Variants in DAGLB observed in about 807,000 individuals in gnomAD.
The protein encoded by DAGLB is diacylglycerol lipase beta, also known as diacylglycerol lipase-beta.
In DAGLB, 66 loss-of-function variants were observed where a neutral mutation model predicts 72.1. The observed-to-expected ratio is 0.92, with a 90% CI of 0.75 to 1.12. The LOEUF is 1.12. Ranked by LOEUF, DAGLB falls within the 50% of genes most tolerant of loss-of-function variation. The pLI, the probability that DAGLB is intolerant of heterozygous loss-of-function variation, is 0.00. For missense variants in DAGLB, 1,065 were observed against 884.9 expected, an observed-to-expected ratio of 1.20 and a Z score of -2.58; for synonymous variants, 414 against 359.5, an observed-to-expected ratio of 1.15 and a Z score of -1.71.
intron 8 of DAGLB, 103 bp from the exon 9 acceptor site, chr7:6,421,907 G>T: frequency 7.9e-7 from 1 of 1,263,752 alleles, no homozygotes; most frequent in Non-Finnish European, 1.1e-6. Context: ...GGATGGCGGG[G>T]ATGGCACCAT....
At position 6,410,350 on chromosome 7, in the gene DAGLB, C is replaced by A. The variant is rs368066544; in HGVS notation, c.1600G>T (p.Glu534Ter). Reference protein sequence around the residue: ...YKILLHGLWYELFGGNPNNLP... With the variant: ...YKILLHGLWY ...TTGTTGGGGTTTCCTCCAAACAGTT[C>A]GTACCACAAACCGTGCAGCAAGATC... The change falls in exon 14 of 15, where the codon GAA becomes TAA. Residue 534 changes from glutamate (E) to a stop codon, truncating the protein, a stop_gained. Coordinates refer to ENST00000297056, the MANE Select transcript of DAGLB (RefSeq NM_139179.4). LOFTEE classifies it high-confidence loss of function. 2 of 1,613,444 alleles carry A rather than the reference C, an allele frequency of 1.2e-6. No individual in the cohort carries two copies. The highest frequency in any genetic ancestry group is 1.6e-4 in the Middle Eastern group (1 of 6,074).
chr7:6,434,834 A>G lies in DAGLB; in HGVS notation c.606T>C (p.Cys202=). 1 of 1,614,188 alleles carries G rather than the reference A, an allele frequency of 6.2e-7. No homozygotes were observed. The highest frequency in any genetic ancestry group is 2.2e-5 in the East Asian group (1 of 44,874). ...VWETRIKLLC[C]CIGKDDHTRV... ...GAGTATGGTCGTCTTTCCCAATGCA[A>G]CAGCACAAGAGCTTGATTCTGGTTT... Residue 202 remains cysteine (C), a synonymous_variant, in exon 4 of 15, where the codon TGT becomes TGC. Coordinates refer to ENST00000297056, the MANE Select transcript of DAGLB (RefSeq NM_139179.4).
rs899680461 is a variant in DAGLB, at chr7:6,409,472, G to T, written c.*365C>A. 4.0e-6 allele frequency: 1 copy of T among 247,954 alleles called. No individual in the cohort carries two copies. Among genetic ancestry groups the T allele is most frequent in the Admixed American group, 5.0e-5 (1 of 19,916 alleles). The allele number at this position is 247,954 out of a possible 1,614,324, so 15.4% of individuals were successfully genotyped here. A position where few individuals can be genotyped will look rare whatever the true frequency, so the allele number is the denominator to read the frequency against. On this transcript the variant is annotated 3_prime_UTR_variant, in exon 15 of 15. Coordinates refer to ENST00000297056, the MANE Select transcript of DAGLB (RefSeq NM_139179.4). Reference sequence around the variant, plus strand: ...GAGTTGGATGAAAAGAGCTGCCTTGGGGGTGGGAGGCTAAGGAACTGTTCA... The same window carrying T: ...GAGTTGGATGAAAAGAGCTGCCTTGTGGGTGGGAGGCTAAGGAACTGTTCA...
At chr7:6,431,247 C>T (rs980182597) in intron 5 of DAGLB, among the ~76,000 whole-genome samples, 3 of 152,006 alleles carry the variant, frequency 2.0e-5, no homozygotes, top group Non-Finnish European at 4.4e-5. Context: ...AACTGAGTGG[C>T]TTAACCCGGA....
intron 4 of DAGLB, among the ~76,000 whole-genome samples, chr7:6,433,473 A>G (rs1159085531): frequency 2.0e-5 from 3 of 152,144 alleles, no homozygotes; most frequent in African/African-American, 4.8e-5. Context: ...TAGGCCTGAC[A>G]TGTCCTTTTT....
chr7:6,415,856 A>AAT (rs1401624500), intron 11 of DAGLB, among the ~76,000 whole-genome samples: 1 of 151,758 alleles, frequency 6.6e-6, no homozygotes, highest in African/African-American at 2.4e-5. Context: ...AAAAAAAAAA[A>AAT]AAAAGTAATT....
In DAGLB at chr7:6,409,876, G is replaced by A. The variant is rs1018858160; in HGVS notation, c.1980C>T (p.Ser660=). The A allele has an allele frequency of 6.2e-7, 1 of 1,614,078 alleles. No homozygotes were observed. Among genetic ancestry groups the A allele is most frequent in the East Asian group, 2.2e-5 (1 of 44,880 alleles). Residue 660 remains serine (S), a synonymous_variant, in exon 15 of 15, where the codon TCC becomes TCT. Coordinates refer to ENST00000297056, the MANE Select transcript of DAGLB (RefSeq NM_139179.4). The part of the protein sequence containing the change: ...SVVSDRAACV[S]CPAQGVSSVD... ...CACTGGAGACCCCTTGTGCTGGACA[G>A]GAGACGCAGGCCGCTCTGTCGGAGA...
chr7:6,431,464 T>C (rs1054372553), intron 5 of DAGLB, among the ~76,000 whole-genome samples: 1 of 152,098 alleles, frequency 6.6e-6, no homozygotes, highest in East Asian at 1.9e-4. Flanking sequence ...TCCTAAAACA[T>C]AAGCCTTCAA....
Position 6,410,044 on chromosome 7 carries a change from G to C in DAGLB, c.1821-9C>G. 1 of 1,610,618 alleles carries C rather than the reference G, an allele frequency of 6.2e-7. No individual in the cohort carries two copies. Among genetic ancestry groups the C allele is most frequent in the Non-Finnish European group, 8.5e-7 (1 of 1,177,880 alleles). On this transcript the variant is annotated splice_polypyrimidine_tract_variant and intron_variant, in intron 14 of 14. Coordinates refer to ENST00000297056, the MANE Select transcript of DAGLB (RefSeq NM_139179.4). ...CAGAGCAGCAGCCAAACCTGAAGCA[G>C]AAAAGGAGAGACAGCTCCCACGCGG... is the stretch of plus-strand genomic sequence containing the variant.
Position 6,432,849 on chromosome 7 carries a change from T to G in DAGLB, c.789A>C (p.Pro263=). Residue 263 remains proline, a synonymous_variant, in exon 5 of 15, where the codon CCA becomes CCC. Coordinates refer to ENST00000297056, the MANE Select transcript of DAGLB (RefSeq NM_139179.4). ...AAGCCAGGCTCACCTGGGAGCTCCC[T>G]GGGGCATGGCAGACCACCTGGGCAG... ...QEPAQVVCHA[P]GSSQEADLDA... The G allele has an allele frequency of 6.2e-7, 1 of 1,613,636 alleles. No individual in the cohort carries two copies. The highest frequency in any genetic ancestry group is 1.7e-5 in the Admixed American group (1 of 59,976).
Position 6,426,051 on chromosome 7 carries a change from G to A in DAGLB, c.993C>T (p.Gly331=). The A allele has an allele frequency of 5.0e-6, 8 of 1,614,128 alleles. No individual in the cohort carries two copies. Among genetic ancestry groups the A allele is most frequent in the African/African-American group, 1.3e-5 (1 of 75,074 alleles). Residue 331 remains glycine (G), a synonymous_variant, in exon 7 of 15, where the codon GGC becomes GGT. Coordinates refer to ENST00000297056, the MANE Select transcript of DAGLB (RefSeq NM_139179.4). ...GCAGCCCTGTGGTGTGCAGGATGGA[G>A]CCGAAGTGACAGTTGAGCTGATCGC... ...VGGDQLNCHF[G]SILHTTGLQY... is the part of the protein sequence containing the mutation.
At chr7:6,434,695 G>A in intron 4 of DAGLB, 67 bp downstream of exon 4, 1 of 1,600,310 alleles carries the variant, frequency 6.2e-7, no homozygotes, top group Non-Finnish European at 8.5e-7. Context: ...GGAACAGAGG[G>A]ACCGGCTCCA....
At chr7:6,439,270 G>GAA (rs60313792) in intron 2 of DAGLB, among the ~76,000 whole-genome samples, 3 of 130,142 alleles carry the variant, frequency 2.3e-5, no homozygotes, top group Admixed American at 7.7e-5. Flanking sequence ...GAAAAAAAAA[G>GAA]AAAAAAAAAA....
intron 7 of DAGLB, 118 bp from the exon 8 acceptor site, chr7:6,424,953 G>T: frequency 6.4e-6 from 6 of 935,372 alleles, no homozygotes; most frequent in Non-Finnish European, 8.5e-6. Context: ...AGAGAGGAGG[G>T]GACACCGCCT....
At chr7:6,412,179 G>A (rs1024569998) in intron 13 of DAGLB, among the ~76,000 whole-genome samples, 13 of 152,148 alleles carry the variant, frequency 8.5e-5, no homozygotes, top group Non-Finnish European at 5.9e-5. Flanking sequence ...CTCCCAAAGG[G>A]CTGGGATTAC....
At chr7:6,425,570 C>T (rs1314767186) in intron 7 of DAGLB, among the ~76,000 whole-genome samples, 1 of 152,100 alleles carries the variant, frequency 6.6e-6, no homozygotes, top group Non-Finnish European at 1.5e-5. Flanking sequence ...GTGCCCGGCC[C>T]ACAGCTGGCT....
At chr7:6,436,874 C>T (rs1489288231) in intron 2 of DAGLB, among the ~76,000 whole-genome samples, 1 of 151,914 alleles carries the variant, frequency 6.6e-6, no homozygotes, top group Non-Finnish European at 1.5e-5. Flanking sequence ...GGGCCGGGCA[C>T]GGTGACTCAC....
chr7:6,434,622 C>G (rs1784595569), intron 4 of DAGLB, 140 bp downstream of exon 4: 1 of 1,382,762 alleles, frequency 7.2e-7, no homozygotes, highest in Non-Finnish European at 9.9e-7. Context: ...TCATCACAGA[C>G]AGAGGGTCTC....
rs558723666 is a variant in DAGLB, at chr7:6,425,833, C to T, written c.1056+155G>A. Among the ~76,000 whole-genome samples, 21 of 152,348 alleles carry T rather than the reference C, an allele frequency of 1.4e-4. No individual in the cohort carries two copies. In the South Asian group the frequency reaches 4.2e-3, roughly 30 times the overall value. On this transcript the variant is annotated intron_variant, in intron 7 of 14. Transcript: ENST00000297056. ...CACCAGGGCATCTGTGTGGCTCCCC[C>T]AGAGTCTGTGGCCCCTCTGAAATAG...
Sources: allele counts gnomAD v4.1 joint callset (sites outside exome capture counted in the v4.1 genomes callset), GRCh38; gene constraint gnomAD v4.1.1; transcripts MANE v1.5; gene names NCBI Gene and HGNC (gene_info 2026-07-23, HGNC 2026-07-21).